ZCWPW2: variants seen among roughly 807,000 people sequenced by gnomAD.
ZCWPW2 encodes zinc finger CW-type PWWP domain protein 2.
A neutral mutation model predicts 46.6 loss-of-function variants in ZCWPW2; 45 were observed. That is an observed-to-expected ratio of 0.96 (90% confidence interval 0.76 to 1.24). The LOEUF (loss-of-function observed/expected upper bound fraction) is 1.24, where lower values mean the gene tolerates loss of function less well. ZCWPW2 is among the 50% of genes most tolerant of loss of function. ZCWPW2 has a pLI of 0.00. For missense variants in ZCWPW2, 429 were observed against 403.9 expected, an observed-to-expected ratio of 1.06 and a Z score of -0.53; for synonymous variants, 152 against 137.1, an observed-to-expected ratio of 1.11 and a Z score of -0.76.
chr3:28,465,640 G>C (rs1698791547), intron 4 of ZCWPW2, among the ~76,000 whole-genome samples: 1 of 151,784 alleles, frequency 6.6e-6, no homozygotes, highest in Admixed American at 6.6e-5. Flanking sequence ...GGTCTAATTG[G>C]CTAATATAAT....
chr3:28,366,924 T>G lies in ZCWPW2; in HGVS notation c.-134+17721T>G, dbSNP rs575711870. On this transcript the variant is annotated intron_variant, in intron 1 of 9. Coordinates refer to ENST00000383768, the MANE Select transcript of ZCWPW2 (RefSeq NM_001040432.4). The stretch of plus-strand genomic sequence containing the variant: ...CATTTCTTCTAGATTTTCTAGTTTA[T>G]TTGTGTAGAGGTGTTTATAGTATTC... Among the ~76,000 whole-genome samples, 387 of 152,344 alleles carry G rather than the reference T, an allele frequency of 2.5e-3. 1 individual carries two copies. Among genetic ancestry groups the G allele is most frequent in the African/African-American group, 8.4e-3 (351 of 41,588 alleles).
chr3:28,362,815 T>C (rs188580894), intron 1 of ZCWPW2, among the ~76,000 whole-genome samples: 3 of 152,114 alleles, frequency 2.0e-5, no homozygotes, highest in Non-Finnish European at 2.9e-5. Context: ...TCAACCTAAA[T>C]GCCCATAAGT....
chr3:28,495,395 T>C (rs776125639), intron 6 of ZCWPW2, among the ~76,000 whole-genome samples: 6 of 152,138 alleles, frequency 3.9e-5, no homozygotes, highest in Non-Finnish European at 7.4e-5. Context: ...ATTTCAATCT[T>C]TGCTAAATGA....
At chr3:28,359,160 T>G (rs946100962) in intron 1 of ZCWPW2, among the ~76,000 whole-genome samples, 1 of 152,222 alleles carries the variant, frequency 6.6e-6, no homozygotes, top group African/African-American at 2.4e-5. Context: ...TGGATGAAAG[T>G]GGAAATGGTC....
intron 6 of ZCWPW2, among the ~76,000 whole-genome samples, chr3:28,502,551 G>A (rs1311165307): frequency 6.6e-6 from 1 of 152,058 alleles, no homozygotes; most frequent in Non-Finnish European, 1.5e-5. Flanking sequence ...GCGTGTCAAG[G>A]GTGAGTATAG....
At chr3:28,392,148 A>C (rs1695516510) in intron 2 of ZCWPW2, among the ~76,000 whole-genome samples, 1 of 152,052 alleles carries the variant, frequency 6.6e-6, no homozygotes, top group Non-Finnish European at 1.5e-5. Context: ...TCATGCAAAC[A>C]GAATCCAAAA....
At chr3:28,467,992 C>G (rs1347572997) in intron 4 of ZCWPW2, among the ~76,000 whole-genome samples, 1 of 151,992 alleles carries the variant, frequency 6.6e-6, no homozygotes, top group African/African-American at 2.4e-5. Flanking sequence ...GCAACAGGGA[C>G]TAATCCTGAA....
At chr3:28,489,664 GCGCGCACACA>G (rs1419305111) in intron 5 of ZCWPW2, among the ~76,000 whole-genome samples, 1 of 58,054 alleles carries the variant, frequency 1.7e-5, no homozygotes, top group African/African-American at 6.0e-5. Context: ...ACACACACAC[GCGCGCACACA>G]CACACACACA....
chr3:28,378,152 A>C (rs1187796796), intron 1 of ZCWPW2, among the ~76,000 whole-genome samples: 2 of 152,028 alleles, frequency 1.3e-5, no homozygotes, highest in Non-Finnish European at 2.9e-5. Flanking sequence ...GCTCTTAATA[A>C]ATTTTTGTAG....
intron 4 of ZCWPW2, among the ~76,000 whole-genome samples, chr3:28,454,860 C>T (rs1698364434): frequency 6.6e-6 from 1 of 152,074 alleles, no homozygotes; most frequent in Non-Finnish European, 1.5e-5. Context: ...GTATGTATAC[C>T]ACATTTTCTT....
chr3:28,384,086 T>C (rs1411141679), intron 1 of ZCWPW2, among the ~76,000 whole-genome samples: 1 of 152,170 alleles, frequency 6.6e-6, no homozygotes, highest in African/African-American at 2.4e-5. Flanking sequence ...TTTTCCTCCA[T>C]ATTTTAAATT....
At chr3:28,417,108 A>G (rs1379375595) in intron 3 of ZCWPW2, among the ~76,000 whole-genome samples, 1 of 151,132 alleles carries the variant, frequency 6.6e-6, no homozygotes, top group Non-Finnish European at 1.5e-5. Context: ...ACCGCTAGGA[A>G]GACTAATAAA....
At chr3:28,509,240 T>C (rs1039464996) in intron 6 of ZCWPW2, among the ~76,000 whole-genome samples, 4 of 152,192 alleles carry the variant, frequency 2.6e-5, no homozygotes, top group African/African-American at 9.6e-5. Context: ...GGTGGACATT[T>C]GGGTTGTTTC....
chr3:28,384,253 C>T (rs760333452), intron 1 of ZCWPW2, among the ~76,000 whole-genome samples: 9 of 152,110 alleles, frequency 5.9e-5, no homozygotes, highest in Non-Finnish European at 1.2e-4. Flanking sequence ...TGTATTTATA[C>T]ACTTTGTATT....
chr3:28,352,126 G>GCACACACACA lies in ZCWPW2; in HGVS notation c.-134+2955_-134+2964dup, dbSNP rs111383620. On this transcript the variant is annotated intron_variant, in intron 1 of 9. Transcript: ENST00000383768. ...TCCTTTCCCTCTATCTCAGATGTAT[G>GCACACACACA]CACACACACACACACACACACACAC... 4.0e-3 allele frequency among the ~76,000 whole-genome samples: 525 copies of GCACACACACA among 129,698 alleles called. 5 individuals carry two copies. The highest frequency in any genetic ancestry group is 8.7e-3 in the African/African-American group (302 of 34,524). 85.1% of individuals were successfully genotyped at this position (129,698 alleles called of 152,430 possible).
intron 8 of ZCWPW2, 92 bp from the exon 9 acceptor site, chr3:28,520,900 A>G: frequency 6.8e-7 from 1 of 1,473,456 alleles, no homozygotes; most frequent in South Asian, 1.2e-5. Context: ...GTAGCATTTA[A>G]AAGATTTCTT....
rs1322063097 is a variant in ZCWPW2, at chr3:28,478,874, C to T, written c.553C>T (p.Leu185Phe). The part of the protein sequence containing the change: ...YKSALQEACL[L>F]YGYSHEQRLE... ...AAGTGCACTACAAGAAGCATGTCTACTCTATGGATATTCTCATGAGCAAAG... is the reference window on the plus strand; with the variant it reads ...AAGTGCACTACAAGAAGCATGTCTATTCTATGGATATTCTCATGAGCAAAG... The change falls in exon 5 of 10, where the codon CTC (leucine) becomes TTC (phenylalanine). Residue 185 changes from leucine to phenylalanine, a missense_variant. Transcript: ENST00000383768. The T allele has an allele frequency of 6.3e-7, 1 of 1,589,050 alleles. No individual in the cohort carries two copies. Among genetic ancestry groups the T allele is most frequent in the East Asian group, 2.3e-5 (1 of 43,156 alleles).
chr3:28,369,760 G>T (rs1705246370), intron 1 of ZCWPW2, among the ~76,000 whole-genome samples: 1 of 152,218 alleles, frequency 6.6e-6, no homozygotes, highest in Non-Finnish European at 1.5e-5. Context: ...CAGAGGTGGA[G>T]TCTACAGAGG....
chr3:28,377,169 T>C (rs977070690), intron 1 of ZCWPW2, among the ~76,000 whole-genome samples: 6 of 152,070 alleles, frequency 3.9e-5, no homozygotes, highest in Non-Finnish European at 7.4e-5. Context: ...ATCCTCAACC[T>C]GTTGTTTTAC....
Sources: gnomAD v4.1 joint callset for allele counts (sites outside exome capture counted in the v4.1 genomes callset) on GRCh38, gnomAD v4.1.1 for gene constraint, MANE v1.5 for transcripts, NCBI Gene and HGNC (gene_info 2026-07-23, HGNC 2026-07-21) for gene names.